Variants in PARP4 observed in about 807,000 individuals in gnomAD.
The protein encoded by PARP4 is protein mono-ADP-ribosyltransferase PARP4.
In PARP4, 120 loss-of-function variants were observed where a neutral mutation model predicts 187.7. That is an observed-to-expected ratio of 0.64 (90% CI 0.55 to 0.74). PARP4 has a LOEUF of 0.74. Among genes scored for constraint, PARP4 ranks in the 30% least tolerant of loss-of-function variants. The pLI is 0.00. For missense variants in PARP4, 1,836 were observed against 2,070.5 expected, an observed-to-expected ratio of 0.89 and a Z score of 2.20; for synonymous variants, 654 against 740.9, an observed-to-expected ratio of 0.88 and a Z score of 1.90.
intron 27 of PARP4, among the ~76,000 whole-genome samples, chr13:24,445,087 C>T (rs972734686): frequency 6.6e-6 from 1 of 152,196 alleles, no homozygotes; most frequent in Non-Finnish European, 1.5e-5. Context: ...GCCCCACAAT[C>T]CTACCCGCCT....
intron 32 of PARP4, among the ~76,000 whole-genome samples, chr13:24,429,139 T>C (rs920979079): frequency 1.1e-4 from 17 of 152,244 alleles, no homozygotes; most frequent in Non-Finnish European, 2.1e-4. Context: ...TCATTGCAGA[T>C]ACTATATTTT....
intron 33 of PARP4, among the ~76,000 whole-genome samples, chr13:24,424,357 AC>A (rs766512989): frequency 1.1e-4 from 17 of 151,118 alleles, no homozygotes; most frequent in Non-Finnish European, 2.1e-4. Context: ...CTGCTCCTCA[AC>A]CTTTTTTTTC....
chr13:24,498,194 C>T lies in PARP4; in HGVS notation c.513G>A (p.Val171=). ...GMEGGQEAVV[V]ELQCSRDSRD... is the part of the protein sequence containing the mutation. ...TGGAGTCCCGCGAACACTGAAGCTC[C>T]ACCACCACAGCTTCCTGGCCTCCCT... The change falls in exon 6 of 34, where the codon GTG becomes GTA. Residue 171 remains valine (V), a synonymous_variant. Coordinates refer to ENST00000381989, the MANE Select transcript of PARP4 (RefSeq NM_006437.4). 6.2e-7 allele frequency: 1 copy of T among 1,612,964 alleles called. No individual in the cohort carries two copies. Among genetic ancestry groups the T allele is most frequent in the Non-Finnish European group, 8.5e-7 (1 of 1,179,722 alleles).
intron 10 of PARP4, among the ~76,000 whole-genome samples, chr13:24,487,577 G>T (rs980078605): frequency 6.6e-6 from 1 of 152,170 alleles, no homozygotes; most frequent in Admixed American, 6.6e-5. Flanking sequence ...GGGGATGAGG[G>T]ACAGAGAGAC....
At chr13:24,501,091 G>A (rs1437492707) in intron 3 of PARP4, among the ~76,000 whole-genome samples, 1 of 152,176 alleles carries the variant, frequency 6.6e-6, no homozygotes, top group Non-Finnish European at 1.5e-5. Context: ...AGTCAGTACG[G>A]TATCTAACAC....
At chr13:24,504,677 A>G (rs1260063634) in intron 1 of PARP4, among the ~76,000 whole-genome samples, 2 of 151,522 alleles carry the variant, frequency 1.3e-5, no homozygotes, top group South Asian at 2.1e-4. Flanking sequence ...ATGGTGAAAA[A>G]TTGTGTTTAA....
intron 20 of PARP4, 42 bp from the exon 21 acceptor site, chr13:24,456,520 A>T (rs1871862633): frequency 6.4e-7 from 1 of 1,569,560 alleles, no homozygotes. Context: ...GTAATGGAGT[A>T]ACACCATATT....
Position 24,434,881 on chromosome 13 carries a change from A to C in PARP4, c.4260T>G (p.Phe1420Leu). The stretch of plus-strand genomic sequence containing the variant: ...AGGTGCCAGCAGAAGGCCTGGTAGT[A>C]AAGCCTCCAGGATGTTGCAGTGGAG... ...QSAPLQHPGG[F>L]TTRPSAGTFP... The change falls in exon 31 of 34, where the codon TTT becomes TTG. Residue 1420 changes from phenylalanine to leucine, a missense_variant. By Grantham distance (22) the Phe-to-Leu change is conservative. Around this residue, in one of 8 missense-constraint regions of PARP4, gnomAD observed 450 missense variants for 439.2 expected, o/e 1.02. Transcript: ENST00000381989. 6.2e-7 allele frequency: 1 copy of C among 1,614,192 alleles called. No homozygotes were observed. The highest frequency in any genetic ancestry group is 8.5e-7 in the Non-Finnish European group (1 of 1,180,032).
At chr13:24,448,723 C>T (rs763745605) in intron 25 of PARP4, among the ~76,000 whole-genome samples, 28 of 152,328 alleles carry the variant, frequency 1.8e-4, no homozygotes, top group Middle Eastern at 3.4e-3. Flanking sequence ...ACCCAAGTGT[C>T]CACCGATAGA....
At chr13:24,469,864 G>C in intron 16 of PARP4, 30 bp downstream of exon 16, 1 of 1,599,216 alleles carries the variant, frequency 6.3e-7, no homozygotes, top group Non-Finnish European at 8.5e-7. Context: ...TGAAAGCCGA[G>C]AGCGGGCACG....
At chr13:24,455,359 T>G in intron 21 of PARP4, 147 bp from the exon 22 acceptor site, 9 of 478,678 alleles carry the variant, frequency 1.9e-5, no homozygotes, top group Non-Finnish European at 2.9e-5. Flanking sequence ...CAAGATGGCC[T>G]ACTAGGAGTT....
intron 1 of PARP4, among the ~76,000 whole-genome samples, chr13:24,505,645 C>T (rs1393878940): frequency 2.0e-5 from 3 of 152,194 alleles, no homozygotes; most frequent in African/African-American, 7.2e-5. Flanking sequence ...TCTCCTGCCT[C>T]AGCCTCCCGA....
chr13:24,504,307 CTTTTTTT>C (rs11434017), intron 1 of PARP4, among the ~76,000 whole-genome samples: 5 of 87,354 alleles, frequency 5.7e-5, no homozygotes, highest in Admixed American at 5.0e-4. Context: ...CATTTAGGTT[CTTTTTTT>C]TTTTTTTTTT....
intron 12 of PARP4, among the ~76,000 whole-genome samples, chr13:24,481,100 C>T (rs1222291540): frequency 6.6e-6 from 1 of 152,192 alleles, no homozygotes; most frequent in Non-Finnish European, 1.5e-5. Flanking sequence ...TCCTAGGGCC[C>T]TTAAGAATTG....
rs145844893 is a variant in PARP4 at position 24,484,694 on chromosome 13, G to A, written c.1407C>T (p.Val469=). 949 of 1,612,538 alleles carry A rather than the reference G, an allele frequency of 5.9e-4. 1 individual carries two copies. Among genetic ancestry groups the A allele is most frequent in the Non-Finnish European group, 4.9e-4 (579 of 1,178,580 alleles). The part of the protein sequence containing the change: ...VEDRGVQRTD[V]GNLGSGIYFS... ...AATAAATCCCACTTCCAAGGTTTCC[G>A]ACGTCTGTTCTTTGCACACCACGAT... The change falls in exon 12 of 34, where the codon GTC becomes GTT. Residue 469 remains valine, a synonymous_variant. Transcript: ENST00000381989.
chr13:24,479,933 C>T (rs967398732), intron 12 of PARP4, among the ~76,000 whole-genome samples: 3 of 152,230 alleles, frequency 2.0e-5, no homozygotes, highest in African/African-American at 4.8e-5. Flanking sequence ...AGACCACGAG[C>T]CCACCGGGAG....
rs772783590 is a variant in PARP4 at position 24,503,674 on chromosome 13, C to T, written c.103G>A (p.Gly35Arg). The change falls in exon 2 of 34, where the codon GGA (glycine) becomes AGA (arginine). Residue 35 changes from glycine to arginine, a missense_variant. Gly to Arg is a moderately radical substitution (Grantham distance 125). Transcript: ENST00000381989. The part of the protein sequence containing the change: ...KLQTDIKENG[G>R]KFSFSLNPQC... ...GGATTTAACGAAAAGGAAAACTTTC[C>T]GCCATTTTCCTTAATGTCAGTTTGT... The T allele has an allele frequency of 7.5e-5, 121 of 1,613,098 alleles. No individual in the cohort carries two copies. Among genetic ancestry groups the T allele is most frequent in the Non-Finnish European group, 8.8e-5 (104 of 1,179,918 alleles).
At chr13:24,467,001 A>G (rs1872511238) in intron 17 of PARP4, among the ~76,000 whole-genome samples, 1 of 152,188 alleles carries the variant, frequency 6.6e-6, no homozygotes, top group Admixed American at 6.5e-5. Context: ...TAAACAATAC[A>G]AAGTGCAGAA....
chr13:24,449,382 T>C (rs552750063), intron 25 of PARP4, among the ~76,000 whole-genome samples: 47 of 53,696 alleles, frequency 8.8e-4, no homozygotes, highest in Admixed American at 3.2e-3. Flanking sequence ...AGCAAGACTC[T>C]GTCTCAAAAA....
Sources: gnomAD v4.1 joint callset for allele counts (sites outside exome capture counted in the v4.1 genomes callset) on GRCh38, gnomAD v4.1.1 for gene constraint, gnomAD v4.1.1 regional missense constraint, MANE v1.5 for transcripts, NCBI Gene and HGNC (gene_info 2026-07-23, HGNC 2026-07-21) for gene names.